MGAT5: variants seen among roughly 807,000 people sequenced by gnomAD.
MGAT5 encodes alpha-1,6-mannosylglycoprotein 6-beta-N-acetylglucosaminyltransferase.
In MGAT5, 30 loss-of-function variants were observed where a neutral mutation model predicts 94.3. The observed-to-expected ratio is 0.32, with a 90% CI of 0.24 to 0.43. The LOEUF (loss-of-function observed/expected upper bound fraction) is 0.43. MGAT5 is among the 20% of genes least tolerant of loss of function. The pLI, the probability that MGAT5 is intolerant of heterozygous loss-of-function variation, is 1.00. For synonymous variants in MGAT5, 310 were observed against 322.9 expected, an observed-to-expected ratio of 0.96 and a Z score of 0.43; for missense variants, 691 against 905.5, an observed-to-expected ratio of 0.76 and a Z score of 3.04.
rs1307303615 is a variant in MGAT5 at position 134,452,246 on chromosome 2, T to A, written c.*3399T>A. Reference sequence around the variant, plus strand: ...CTCAAGAAAGGGCTGGATTCTGCCATACCTTTGGGTCTACCTTGGGACTGC... The same window carrying A: ...CTCAAGAAAGGGCTGGATTCTGCCAAACCTTTGGGTCTACCTTGGGACTGC... On this transcript the variant is annotated 3_prime_UTR_variant, in exon 16 of 16. Transcript: ENST00000281923. 6.6e-6 allele frequency: 1 copy of A among 152,186 alleles called. No homozygotes were observed. Among genetic ancestry groups the A allele is most frequent in the African/African-American group, 2.4e-5 (1 of 41,436 alleles). 9.4% of individuals were successfully genotyped at this position (152,186 alleles called of 1,614,324 possible).
At chr2:134,162,281 A>G (rs1213152805) in intron 1 of MGAT5, among the ~76,000 whole-genome samples, 1 of 152,152 alleles carries the variant, frequency 6.6e-6, no homozygotes, top group African/African-American at 2.4e-5. Flanking sequence ...TCATGGTGTT[A>G]GGACCTTTTG....
intron 1 of MGAT5, among the ~76,000 whole-genome samples, chr2:134,170,096 G>A (rs1483078561): frequency 6.6e-6 from 1 of 152,136 alleles, no homozygotes; most frequent in Admixed American, 6.6e-5. Flanking sequence ...TAAAAGCACT[G>A]AAACTAAGTT....
intron 11 of MGAT5, among the ~76,000 whole-genome samples, chr2:134,411,304 C>G (rs1030536334): frequency 1.3e-5 from 2 of 152,086 alleles, no homozygotes; most frequent in African/African-American, 4.8e-5. Context: ...ATGTTTTCCT[C>G]ACCACCATCA....
chr2:134,244,024 T>C (rs1257190), intron 1 of MGAT5, among the ~76,000 whole-genome samples: 57,215 of 152,136 alleles, frequency 0.38, 13,210 homozygotes, highest in Non-Finnish European at 0.52. Flanking sequence ...TGGTTTTTTT[T>C]CTAGATGTAG....
chr2:134,442,991 C>G (rs1004684709), intron 15 of MGAT5, among the ~76,000 whole-genome samples: 1 of 152,162 alleles, frequency 6.6e-6, no homozygotes, highest in Non-Finnish European at 1.5e-5. Flanking sequence ...TGTCCCTGTT[C>G]AGGCTTCACG....
At chr2:134,207,252 A>G (rs1680059800) in intron 1 of MGAT5, among the ~76,000 whole-genome samples, 1 of 152,184 alleles carries the variant, frequency 6.6e-6, no homozygotes, top group African/African-American at 2.4e-5. Flanking sequence ...AATTATCTTA[A>G]GGTCAGCTGA....
chr2:134,332,696 A>G (rs1281120346), intron 4 of MGAT5, among the ~76,000 whole-genome samples: 2 of 152,296 alleles, frequency 1.3e-5, no homozygotes, highest in South Asian at 2.1e-4. Flanking sequence ...TCATCTGACA[A>G]AGGGCTAATA....
At chr2:134,309,374 A>G (rs1260064255) in intron 2 of MGAT5, among the ~76,000 whole-genome samples, 1 of 152,214 alleles carries the variant, frequency 6.6e-6, no homozygotes, top group Non-Finnish European at 1.5e-5. Context: ...AGTCTGTTTA[A>G]CTTTTTAAGG....
intron 1 of MGAT5, among the ~76,000 whole-genome samples, chr2:134,150,223 G>A (rs10928480): frequency 0.18 from 26,967 of 152,154 alleles, 2,544 homozygotes; most frequent in South Asian, 0.23. Context: ...GCCTCCTAGC[G>A]TCTTGATAGT....
intron 4 of MGAT5, among the ~76,000 whole-genome samples, chr2:134,322,878 T>C (rs1273666194): frequency 1.3e-5 from 2 of 152,172 alleles, no homozygotes; most frequent in Non-Finnish European, 2.9e-5. Flanking sequence ...ACCAGTGACT[T>C]TTATTCTATT....
At chr2:134,120,828 G>A (rs1051885397) in intron 1 of MGAT5, among the ~76,000 whole-genome samples, 9 of 152,050 alleles carry the variant, frequency 5.9e-5, no homozygotes, top group Admixed American at 2.0e-4. Context: ...AGCCCCTAGG[G>A]AGGAGGGATG....
rs752703896 is a variant in MGAT5 at position 134,428,421 on chromosome 2, T to C, written c.1851T>C (p.Asn617=). 6.2e-7 allele frequency: 1 copy of C among 1,614,058 alleles called. No homozygotes were observed. Among genetic ancestry groups the C allele is most frequent in the South Asian group, 1.1e-5 (1 of 91,090 alleles). The change falls in exon 14 of 16, where the codon AAT becomes AAC. Residue 617 remains asparagine, a synonymous_variant. Coordinates refer to ENST00000281923, the MANE Select transcript of MGAT5 (RefSeq NM_002410.5). ...FTCEGMLQRI[N]AFIEKQDFCH... is the part of the protein sequence containing the mutation. ...GCGAGGGGATGCTACAGAGAATCAA[T>C]GCTTTCATTGAAAAACAGGTAAGGC...
intron 4 of MGAT5, among the ~76,000 whole-genome samples, chr2:134,331,179 AC>A (rs1268255085): frequency 6.6e-6 from 1 of 152,044 alleles, no homozygotes; most frequent in Non-Finnish European, 1.5e-5. Context: ...AAGCTGCAAA[AC>A]CCTTTTTGTT....
Position 134,189,610 on chromosome 2 carries a change from T to TG in MGAT5, c.-142-64652_-142-64651insG, listed in dbSNP as rs1352982152. Among the ~76,000 whole-genome samples the TG allele has an allele frequency of 2.2e-3, 297 of 135,638 alleles. 15 individuals are homozygous for TG. Among genetic ancestry groups the TG allele is most frequent in the African/African-American group, 7.8e-3 (279 of 35,856 alleles). 89.0% of individuals were successfully genotyped at this position (135,638 alleles called of 152,430 possible). ...GGCTCTAGTTTTTTTTTGTTTTTTT[T>TG]TTTTTTTTTTAAGACAGAGTCTCGC... On this transcript the variant is annotated intron_variant, in intron 1 of 16. Transcript: ENST00000409645.
At chr2:134,179,990 A>G (rs1432885539) in intron 1 of MGAT5, among the ~76,000 whole-genome samples, 1 of 152,236 alleles carries the variant, frequency 6.6e-6, no homozygotes, top group East Asian at 1.9e-4. Flanking sequence ...ATAATAATGC[A>G]TTGCATGCTA....
chr2:134,310,346 T>C (rs1052163649), intron 2 of MGAT5, among the ~76,000 whole-genome samples: 1 of 152,214 alleles, frequency 6.6e-6, no homozygotes, highest in Non-Finnish European at 1.5e-5. Flanking sequence ...TGGAAGGTGC[T>C]AGTGGATTTT....
intron 15 of MGAT5, among the ~76,000 whole-genome samples, chr2:134,447,253 CA>C (rs947649782): frequency 1.3e-5 from 2 of 152,112 alleles, no homozygotes; most frequent in African/African-American, 4.8e-5. Context: ...TTCCATGAAC[CA>C]AGTGAAATAG....
intron 14 of MGAT5, among the ~76,000 whole-genome samples, chr2:134,433,961 C>T (rs1685027301): frequency 6.6e-6 from 1 of 152,054 alleles, no homozygotes; most frequent in African/African-American, 2.4e-5. Flanking sequence ...TTGCACCGAA[C>T]TCTCATGGGC....
intron 10 of MGAT5, among the ~76,000 whole-genome samples, chr2:134,367,369 A>T (rs915438802): frequency 1.3e-5 from 2 of 152,242 alleles, no homozygotes; most frequent in African/African-American, 4.8e-5. Flanking sequence ...TTCTTAGTCT[A>T]TGTAAGTGGT....
Sources: allele counts gnomAD v4.1 joint callset (sites outside exome capture counted in the v4.1 genomes callset), GRCh38; gene constraint gnomAD v4.1.1; transcripts MANE v1.5; gene names NCBI Gene and HGNC (gene_info 2026-07-23, HGNC 2026-07-21).